Variants in CNIH3 observed in about 807,000 individuals in gnomAD.
CNIH3 encodes cornichon family AMPA receptor auxiliary protein 3.
A neutral mutation model predicts 24.1 loss-of-function variants in CNIH3; 14 were observed. The observed-to-expected ratio is 0.58, with a 90% confidence interval of 0.38 to 0.91. The LOEUF is 0.91. CNIH3 is among the 40% of genes least tolerant of loss of function. CNIH3 has a pLI of 0.00. For missense variants in CNIH3, 178 were observed against 196.8 expected (o/e 0.90, Z 0.57); for synonymous variants, 68 against 73.8 (o/e 0.92, Z 0.40).
At chr1:224,500,494 A>G (rs1255590182) in intron 1 of CNIH3, among the ~76,000 whole-genome samples, 2 of 152,102 alleles carry the variant, frequency 1.3e-5, no homozygotes, top group Non-Finnish European at 2.9e-5. Context: ...CAACATGACG[A>G]AACTCTATCT....
chr1:224,435,048 C>T (rs1461204590), intron 1 of CNIH3: 1 of 985,482 alleles, frequency 1.0e-6, no homozygotes, highest in South Asian at 4.7e-5. Flanking sequence ...GCTGGCTCGA[C>T]GAGCAGTAAG....
chr1:224,671,046 C>T (rs1572695754), intron 1 of CNIH3, among the ~76,000 whole-genome samples: 1 of 152,374 alleles, frequency 6.6e-6, no homozygotes, highest in East Asian at 1.9e-4. Context: ...ATTCTGTCAG[C>T]AGACGGCCTT....
Position 224,684,509 on chromosome 1 carries a change from T to C in CNIH3, c.151-287T>C, listed in dbSNP as rs1288409581. The stretch of plus-strand genomic sequence containing the variant: ...ACGTACATGGAGGCTGAGAGAGACT[T>C]TGTAGATAAAGGAACAGAAATCCGT... On this transcript the variant is annotated intron_variant, in intron 2 of 5. Coordinates refer to ENST00000272133, the MANE Select transcript of CNIH3 (RefSeq NM_152495.2). This position sits in a 1 kb window ranked among gnomAD's most constrained non-coding sequence, Gnocchi z 4.2. Among the ~76,000 whole-genome samples, 2 of 152,102 alleles carry C rather than the reference T, an allele frequency of 1.3e-5. No homozygotes were observed. Among genetic ancestry groups the C allele is most frequent in the East Asian group, 3.9e-4 (2 of 5,172 alleles).
At chr1:224,450,680 A>T (rs887697422) in intron 1 of CNIH3, among the ~76,000 whole-genome samples, 1 of 152,218 alleles carries the variant, frequency 6.6e-6, no homozygotes, top group African/African-American at 2.4e-5. Flanking sequence ...TTTAAGATGT[A>T]CTAGATACTT....
intron 5 of CNIH3, among the ~76,000 whole-genome samples, chr1:224,736,019 A>G (rs1250768164): frequency 6.6e-6 from 1 of 152,162 alleles, no homozygotes; most frequent in Non-Finnish European, 1.5e-5. Context: ...TCACTCACAT[A>G]TGAAAAATGA....
chr1:224,507,977 C>G (rs2124886646), intron 1 of CNIH3, among the ~76,000 whole-genome samples: 1 of 152,304 alleles, frequency 6.6e-6, no homozygotes, highest in South Asian at 2.1e-4. Flanking sequence ...GTTTTATAGG[C>G]TTTTCTCTCT....
chr1:224,440,143 G>A (rs574323824), intron 1 of CNIH3, among the ~76,000 whole-genome samples: 3 of 152,298 alleles, frequency 2.0e-5, no homozygotes, highest in East Asian at 3.9e-4. Context: ...GGATGGTCTC[G>A]ATCTCTTGAC....
chr1:224,640,647 C>G (rs1247745203), intron 1 of CNIH3, among the ~76,000 whole-genome samples: 7 of 152,232 alleles, frequency 4.6e-5, no homozygotes, highest in African/African-American at 1.2e-4. Context: ...TCTGTGCAGG[C>G]AGGGGCTGGA....
chr1:224,678,417 A>C lies in CNIH3; in HGVS notation c.82-2541A>C, dbSNP rs144553805. ...GAGTGACATCTCTACTGTCTGTGCC[A>C]GCCACCCTCACCTTGAATCAAGTGT... On this transcript the variant is annotated intron_variant, in intron 1 of 5. Transcript: ENST00000272133. Among the ~76,000 whole-genome samples, 1,238 of 152,322 alleles carry C rather than the reference A, an allele frequency of 8.1e-3. 10 individuals are homozygous for C. The highest frequency in any genetic ancestry group is 0.027 in the Middle Eastern group (8 of 294).
chr1:224,728,883 A>G (rs941261796), intron 3 of CNIH3, among the ~76,000 whole-genome samples: 4 of 152,240 alleles, frequency 2.6e-5, no homozygotes, highest in Non-Finnish European at 5.9e-5. Context: ...CATGCATTGT[A>G]CAAAGGCGCT....
chr1:224,499,275 C>T (rs568206439), intron 1 of CNIH3, among the ~76,000 whole-genome samples: 2 of 152,280 alleles, frequency 1.3e-5, no homozygotes, highest in East Asian at 3.9e-4. Context: ...GATTTGGACT[C>T]TCTGCTGTAT....
chr1:224,630,978 G>A (rs968402769), intron 1 of CNIH3, among the ~76,000 whole-genome samples: 1 of 152,018 alleles, frequency 6.6e-6, no homozygotes, highest in African/African-American at 2.4e-5. Flanking sequence ...GGCCAACATG[G>A]TGAAGCCCCA....
intron 1 of CNIH3, among the ~76,000 whole-genome samples, chr1:224,510,725 G>T (rs1225146970): frequency 6.6e-6 from 1 of 152,180 alleles, no homozygotes; most frequent in Non-Finnish European, 1.5e-5. Context: ...GAAACACAGA[G>T]GAGCCGGGTT....
At chr1:224,701,983 C>G (rs1190967003) in intron 3 of CNIH3, among the ~76,000 whole-genome samples, 1 of 152,170 alleles carries the variant, frequency 6.6e-6, no homozygotes, top group Non-Finnish European at 1.5e-5. Context: ...CCTTGTCCTT[C>G]CTAACTCTCT....
At chr1:224,527,406 TTC>T (rs1164803939) in intron 2 of CNIH3, among the ~76,000 whole-genome samples, 1 of 152,234 alleles carries the variant, frequency 6.6e-6, no homozygotes, top group East Asian at 1.9e-4. Context: ...CTTTATTTTC[TTC>T]ACTTCACAAA....
At chr1:224,725,000 G>A (rs1306109557) in intron 3 of CNIH3, among the ~76,000 whole-genome samples, 1 of 151,946 alleles carries the variant, frequency 6.6e-6, no homozygotes, top group Non-Finnish European at 1.5e-5. Context: ...CACGAGGTCA[G>A]GAGTTCAAGA....
chr1:224,725,663 A>G (rs1367855478), intron 3 of CNIH3, among the ~76,000 whole-genome samples: 3 of 152,194 alleles, frequency 2.0e-5, no homozygotes, highest in East Asian at 1.9e-4. Context: ...CAGAAAACCT[A>G]TGCCCTTGGA....
upstream of CNIH3, chr1:224,434,655 G>GGGCCCGC (rs1011008903): frequency 3.9e-6 from 3 of 770,484 alleles, no homozygotes; most frequent in African/African-American, 5.7e-5. Flanking sequence ...CGGGGGCGCG[G>GGGCCCGC]GGCCCGCCGC....
intron 1 of CNIH3, among the ~76,000 whole-genome samples, chr1:224,450,404 A>T (rs762367148): frequency 6.6e-6 from 1 of 152,164 alleles, no homozygotes; most frequent in Non-Finnish European, 1.5e-5. Flanking sequence ...CTGTCTACTG[A>T]ATGGCCAGGG....
Sources: allele counts gnomAD v4.1 joint callset (sites outside exome capture counted in the v4.1 genomes callset), GRCh38; gene constraint gnomAD v4.1.1; non-coding constraint Gnocchi (gnomAD v3.1); transcripts MANE v1.5; gene names NCBI Gene and HGNC (gene_info 2026-07-23, HGNC 2026-07-21).